CHD1: variants seen among roughly 807,000 people sequenced by gnomAD.
The protein encoded by CHD1 is ATP-dependent chromatin remodeler CHD1.
Under a neutral mutation model 224.2 loss-of-function variants are expected in CHD1, and 36 were observed. That is an observed-to-expected ratio of 0.16 (90% CI 0.12 to 0.21). The LOEUF (loss-of-function observed/expected upper bound fraction) is 0.21, where lower values mean the gene tolerates loss of function less well. CHD1 is among the 10% of genes least tolerant of loss of function. CHD1 has a pLI of 1.00. For synonymous variants in CHD1, 668 were observed against 658.3 expected, an observed-to-expected ratio of 1.01 and a Z score of -0.23; for missense variants, 1,378 against 1,994.8, an observed-to-expected ratio of 0.69 and a Z score of 5.89.
chr5:98,904,964 T>A lies in CHD1; in HGVS notation c.188A>T (p.Glu63Val). ...DSGSESGSQS[E>V]SESDTSRENK... Reference sequence around the variant, plus strand: ...TTCTCGGGAAGTGTCTGACTCAGACTCTGACTGACTGCCTGATTCAGATCC... The same window carrying A: ...TTCTCGGGAAGTGTCTGACTCAGACACTGACTGACTGCCTGATTCAGATCC... The change falls in exon 3 of 36, where the codon GAG becomes GTG. Residue 63 changes from glutamate to valine, a missense_variant. By Grantham distance (121) the Glu-to-Val change is moderately radical (BLOSUM62 -2). Around this residue, in one of 16 missense-constraint regions of CHD1, gnomAD observed 306 missense variants for 298.1 expected, o/e 1.03. Transcript: ENST00000614616. 1.2e-6 allele frequency: 2 copies of A among 1,609,994 alleles called. No homozygotes were observed. The highest frequency in any genetic ancestry group is 1.7e-6 in the Non-Finnish European group (2 of 1,176,204).
At chr5:98,903,394 C>A (rs1009338363) in intron 4 of CHD1, among the ~76,000 whole-genome samples, 2 of 151,136 alleles carry the variant, frequency 1.3e-5, no homozygotes, top group Admixed American at 6.6e-5. Context: ...TGTATAGTGG[C>A]CATCTACTCT....
intron 5 of CHD1, among the ~76,000 whole-genome samples, chr5:98,902,288 C>T (rs1751770165): frequency 6.6e-6 from 1 of 151,882 alleles, no homozygotes; most frequent in Non-Finnish European, 1.5e-5. Context: ...CAAATCTTCG[C>T]ATTAAAAATG....
At chr5:98,872,315 T>C in intron 27 of CHD1, 102 bp downstream of exon 27, 3 of 1,477,718 alleles carry the variant, frequency 2.0e-6, no homozygotes, top group Non-Finnish European at 2.8e-6. Context: ...TTTCTTCCTT[T>C]TTTTTTTCAA....
intron 2 of CHD1, among the ~76,000 whole-genome samples, chr5:98,910,048 G>T (rs1752289400): frequency 6.6e-6 from 1 of 152,076 alleles, no homozygotes; most frequent in Admixed American, 6.5e-5. Flanking sequence ...AAACTAAGTT[G>T]CAATCTAAGT....
rs774012525 is a variant in CHD1, at chr5:98,901,110, C to A, written c.588-28G>T. 4 of 1,562,446 alleles carry A rather than the reference C, an allele frequency of 2.6e-6. No individual in the cohort carries two copies. The South Asian group carries it at 3.7e-5, about 14-fold the overall frequency. On this transcript the variant is annotated intron_variant, in intron 6 of 35. Coordinates refer to ENST00000614616, the MANE Select transcript of CHD1 (RefSeq NM_001270.4). ...AGGAAAGTGCAAAGAGAAAAAAAAA[C>A]AAGATTTGAGAAACTATATACAAAA...
At chr5:98,883,290 CG>C in intron 18 of CHD1, 53 bp from the exon 19 acceptor site, 1 of 1,294,542 alleles carries the variant, frequency 7.7e-7, no homozygotes, top group East Asian at 2.4e-5. Flanking sequence ...ATTTTCTGAA[CG>C]TAAGCAGTAT....
In CHD1 at chr5:98,878,762, T is replaced by A. The variant is rs1204865444; in HGVS notation, c.3237+790A>T. Among the ~76,000 whole-genome samples, 4 of 152,118 alleles carry A rather than the reference T, an allele frequency of 2.6e-5. No individual in the cohort carries two copies. In the East Asian group the frequency reaches 5.8e-4, roughly 22 times the overall value. On this transcript the variant is annotated intron_variant, in intron 23 of 35. Coordinates refer to ENST00000614616, the MANE Select transcript of CHD1 (RefSeq NM_001270.4). The stretch of plus-strand genomic sequence containing the variant: ...TTTAAAACATACTTCTAAAAAAACC[T>A]GTGGGTCAAAGATAAGTCATATGGG...
chr5:98,912,320 ATAACT>A (rs757430797), intron 2 of CHD1, among the ~76,000 whole-genome samples: 4 of 152,182 alleles, frequency 2.6e-5, no homozygotes, highest in African/African-American at 9.7e-5. Context: ...CAGAAATAAA[ATAACT>A]TAACAAAACT....
intron 2 of CHD1, 132 bp from the exon 3 acceptor site, chr5:98,905,230 A>T (rs1751966302): frequency 9.8e-7 from 1 of 1,024,248 alleles, no homozygotes. Context: ...GGCCAAAAAA[A>T]AGAAAAAGGA....
intron 17 of CHD1, 28 bp downstream of exon 17, chr5:98,888,059 TA>T: frequency 1.4e-6 from 2 of 1,444,206 alleles, no homozygotes; most frequent in South Asian, 2.7e-5. Context: ...AGATAAAATT[TA>T]AAACAACAAA....
chr5:98,926,259 CAAT>C lies in CHD1; in HGVS notation c.53+72_53+74del, dbSNP rs1365894292. On this transcript the variant is annotated intron_variant, in intron 2 of 35. Coordinates refer to ENST00000614616, the MANE Select transcript of CHD1 (RefSeq NM_001270.4). Reference sequence around the variant, plus strand: ...ACCTATGAGGAAAACTAAATAACAACAATAACAATAAAGAAAAAAGTCAAGTTT... The same window carrying C: ...ACCTATGAGGAAAACTAAATAACAACAACAATAAAGAAAAAAGTCAAGTTT... 3.3e-5 allele frequency: 30 copies of C among 895,736 alleles called. No individual in the cohort carries two copies. In the East Asian group the frequency reaches 7.8e-4, roughly 23 times the overall value. The allele number at this position is 895,736 out of a possible 1,614,324, so 55.5% of individuals were successfully genotyped here.
Position 98,900,887 on chromosome 5 carries a change from C to G in CHD1, c.783G>C (p.Glu261Asp). Residue 261 changes from glutamate (E) to aspartate (D), a missense_variant, in exon 7 of 36, where the codon GAG becomes GAC. Transcript: ENST00000614616. ...CCTCTTCCTCAGGTTGAGGAACATC[C>G]TCTCCACAGACTTCCAGTAGGTCAT... is the stretch of plus-strand genomic sequence containing the variant. ...DSDDLLEVCG[E>D]DVPQPEEEEF... 6.2e-7 allele frequency: 1 copy of G among 1,613,804 alleles called. No individual in the cohort carries two copies. The highest frequency in any genetic ancestry group is 8.5e-7 in the Non-Finnish European group (1 of 1,179,710).
rs1430930029 is a variant in CHD1, at chr5:98,856,589, C to A, written c.4924G>T (p.Asp1642Tyr). Residue 1642 changes from aspartate to tyrosine, a missense_variant, in exon 36 of 36, where the codon GAC becomes TAC. Around this residue, in one of 16 missense-constraint regions of CHD1, gnomAD observed 278 missense variants for 298.5 expected, o/e 0.93. Coordinates refer to ENST00000614616, the MANE Select transcript of CHD1 (RefSeq NM_001270.4). ...RSHSDHRLHS[D>Y]HRSSSEYTHH... ...GTATATTCAGAACTTGACCGGTGGT[C>A]TGAATGTAACCGATGATCTGAGTGA... 6.2e-7 allele frequency: 1 copy of A among 1,613,778 alleles called. No homozygotes were observed. Among genetic ancestry groups the A allele is most frequent in the East Asian group, 2.2e-5 (1 of 44,858 alleles).
At chr5:98,865,609 A>G (rs1157262744) in intron 31 of CHD1, among the ~76,000 whole-genome samples, 6 of 152,232 alleles carry the variant, frequency 3.9e-5, no homozygotes, top group Non-Finnish European at 1.5e-5. Context: ...TGACTGCTAA[A>G]TTATACTGTC....
At chr5:98,889,323 C>G (rs1750853734) in intron 15 of CHD1, 85 bp from the exon 16 acceptor site, 5 of 963,420 alleles carry the variant, frequency 5.2e-6, no homozygotes, top group Middle Eastern at 2.6e-4. Context: ...ACAAAAAAAG[C>G]CAACGATAGT....
chr5:98,916,327 C>A (rs574983238), intron 2 of CHD1, among the ~76,000 whole-genome samples: 1 of 152,072 alleles, frequency 6.6e-6, no homozygotes, highest in African/African-American at 2.4e-5. Flanking sequence ...AGGTGGACCA[C>A]CTGAGTTCAG....
chr5:98,862,609 C>T (rs1005258984), intron 32 of CHD1, among the ~76,000 whole-genome samples: 1 of 152,002 alleles, frequency 6.6e-6, no homozygotes, highest in Non-Finnish European at 1.5e-5. Context: ...TACTTTCAAC[C>T]AAATTCACTG....
chr5:98,873,759 T>C (rs758149424), intron 25 of CHD1, 36 bp from the exon 26 acceptor site: 1 of 1,578,944 alleles, frequency 6.3e-7, no homozygotes, highest in South Asian at 1.2e-5. Context: ...GGTAAATATG[T>C]TAAATGAAGT....
chr5:98,870,023 C>T (rs955093559), intron 29 of CHD1, 141 bp from the exon 30 acceptor site: 1 of 594,864 alleles, frequency 1.7e-6, no homozygotes, highest in African/African-American at 1.9e-5. Context: ...ACATCAGAAA[C>T]TCAATAAAGG....
Sources: allele counts gnomAD v4.1 joint callset (sites outside exome capture counted in the v4.1 genomes callset), GRCh38; gene constraint gnomAD v4.1.1; regional missense constraint gnomAD v4.1.1; transcripts MANE v1.5; gene names NCBI Gene and HGNC (gene_info 2026-07-23, HGNC 2026-07-21).